The following CCDC60 variants were observed in gnomAD, a reference collection of about 807,000 sequenced individuals.
The protein encoded by CCDC60 is coiled-coil domain containing 60.
A neutral mutation model predicts 63.5 loss-of-function variants in CCDC60; 54 were observed. The ratio of observed to expected loss-of-function variants is 0.85; its 90% CI spans 0.68 to 1.07. The LOEUF is 1.07. CCDC60 is among the 50% of genes least tolerant of loss of function. The pLI is 0.00. For synonymous variants in CCDC60, 206 were observed against 238.8 expected, an observed-to-expected ratio of 0.86 and a Z score of 1.27; for missense variants, 651 against 684.3, an observed-to-expected ratio of 0.95 and a Z score of 0.54.
intron 2 of CCDC60, among the ~76,000 whole-genome samples, chr12:119,468,716 A>T (rs139116916): frequency 6.6e-6 from 1 of 152,132 alleles, no homozygotes; most frequent in African/African-American, 2.4e-5. Context: ...TAACATAACA[A>T]AATAAAAACA....
At chr12:119,514,745 C>T (rs1419164309) in intron 7 of CCDC60, among the ~76,000 whole-genome samples, 1 of 152,070 alleles carries the variant, frequency 6.6e-6, no homozygotes, top group East Asian at 1.9e-4. Flanking sequence ...CCTAAGTGTA[C>T]AGTGTTTATA....
intron 1 of CCDC60, among the ~76,000 whole-genome samples, chr12:119,374,872 C>T (rs1046333777): frequency 3.9e-5 from 6 of 152,054 alleles, no homozygotes; most frequent in South Asian, 2.1e-4. Flanking sequence ...ACTGTCCTGG[C>T]GCTGGTGGGA....
chr12:119,439,482 T>C (rs922639652), intron 2 of CCDC60, among the ~76,000 whole-genome samples: 11 of 152,180 alleles, frequency 7.2e-5, no homozygotes, highest in South Asian at 2.1e-4. Flanking sequence ...TGACAGCGAA[T>C]GGCAATTGTC....
intron 2 of CCDC60, among the ~76,000 whole-genome samples, chr12:119,465,776 A>G (rs558212045): frequency 4.5e-4 from 68 of 151,506 alleles, no homozygotes; most frequent in Non-Finnish European, 8.3e-4. Flanking sequence ...AAAAATGTAT[A>G]AAACAGAGCT....
chr12:119,540,597 C>T lies in CCDC60; in HGVS notation c.1552-17C>T. On this transcript the variant is annotated splice_polypyrimidine_tract_variant and intron_variant, in intron 13 of 13. Transcript: ENST00000327554. Reference sequence around the variant, plus strand: ...TTCAGAGCAAATTCTGAGATTGCCACTATGTCTGCCTCACAGTTTGTGCGA... The same window carrying T: ...TTCAGAGCAAATTCTGAGATTGCCATTATGTCTGCCTCACAGTTTGTGCGA... The T allele has an allele frequency of 6.3e-7, 1 of 1,588,182 alleles. No individual in the cohort carries two copies. Among genetic ancestry groups the T allele is most frequent in the Non-Finnish European group, 8.6e-7 (1 of 1,157,248 alleles).
intron 1 of CCDC60, among the ~76,000 whole-genome samples, chr12:119,406,543 C>A (rs1397966628): frequency 6.6e-6 from 1 of 152,120 alleles, no homozygotes; most frequent in Non-Finnish European, 1.5e-5. Flanking sequence ...TCATACTCCT[C>A]GCATACATTG....
intron 2 of CCDC60, among the ~76,000 whole-genome samples, chr12:119,458,186 G>T (rs1055537200): frequency 6.6e-6 from 1 of 152,332 alleles, no homozygotes; most frequent in Admixed American, 6.5e-5. Context: ...TGATTTATTT[G>T]CTATTATTTG....
intron 1 of CCDC60, among the ~76,000 whole-genome samples, chr12:119,413,988 A>T (rs183099359): frequency 2.6e-5 from 4 of 151,806 alleles, no homozygotes; most frequent in African/African-American, 9.7e-5. Flanking sequence ...CTCTTCTCCC[A>T]GGCCCCCTCC....
At chr12:119,463,043 C>T (rs1266827086) in intron 2 of CCDC60, among the ~76,000 whole-genome samples, 9 of 152,064 alleles carry the variant, frequency 5.9e-5, no homozygotes, top group South Asian at 2.1e-4. Context: ...AGGCTGGTCT[C>T]GAACTCCTGA....
intron 2 of CCDC60, among the ~76,000 whole-genome samples, chr12:119,437,170 T>C (rs1388140101): frequency 6.6e-6 from 1 of 152,208 alleles, no homozygotes. Flanking sequence ...CTTTGAGATA[T>C]GGTTTGTGTC....
intron 1 of CCDC60, among the ~76,000 whole-genome samples, chr12:119,349,030 G>A (rs958515706): frequency 6.6e-5 from 10 of 152,186 alleles, no homozygotes; most frequent in Non-Finnish European, 1.3e-4. Flanking sequence ...GTGCTAAGAG[G>A]CAGGCATTAT....
chr12:119,481,540 T>C (rs975438324), intron 4 of CCDC60, among the ~76,000 whole-genome samples: 2 of 152,156 alleles, frequency 1.3e-5, no homozygotes, highest in African/African-American at 4.8e-5. Context: ...CAATGTCAGA[T>C]GGGAAAACTA....
chr12:119,523,543 A>G, intron 10 of CCDC60, 150 bp from the exon 11 acceptor site: 1 of 925,756 alleles, frequency 1.1e-6, no homozygotes, highest in Non-Finnish European at 1.6e-6. Flanking sequence ...ATGCTTAGGG[A>G]GGCTCCAGGT....
intron 1 of CCDC60, among the ~76,000 whole-genome samples, chr12:119,379,151 G>A (rs1173971877): frequency 1.3e-5 from 2 of 152,236 alleles, no homozygotes; most frequent in African/African-American, 2.4e-5. Flanking sequence ...TTGCTAGGAA[G>A]CTAAAAATAG....
intron 7 of CCDC60, among the ~76,000 whole-genome samples, chr12:119,514,128 GT>G (rs1472330097): frequency 6.6e-6 from 1 of 151,950 alleles, no homozygotes; most frequent in African/African-American, 2.4e-5. Context: ...CTGACCCTGT[GT>G]AGGCCTAGGC....
chr12:119,338,827 G>A (rs1955501627), intron 1 of CCDC60, among the ~76,000 whole-genome samples: 2 of 152,120 alleles, frequency 1.3e-5, no homozygotes, highest in South Asian at 4.2e-4. Context: ...TGGCTGCGTG[G>A]TAATATTAAG....
rs1955610522 is a variant in CCDC60, at chr12:119,347,608, G to GTGAGGCAACACATTCC, written c.90+12344_90+12359dup. The stretch of plus-strand genomic sequence containing the variant: ...TCAGGACCAAGGGTAGCTCCACATA[G>GTGAGGCAACACATTCC]TGAGGCAACACATTCCTTAGGCAAC... On this transcript the variant is annotated intron_variant, in intron 1 of 13. Transcript: ENST00000327554. Among the ~76,000 whole-genome samples the GTGAGGCAACACATTCC allele has an allele frequency of 3.3e-5, 5 of 152,244 alleles. No individual in the cohort carries two copies. The South Asian group carries it at 1.0e-3, about 32-fold the overall frequency.
intron 7 of CCDC60, among the ~76,000 whole-genome samples, chr12:119,516,285 T>C (rs1379164672): frequency 2.0e-5 from 3 of 152,108 alleles, no homozygotes; most frequent in Non-Finnish European, 4.4e-5. Flanking sequence ...TTTGTATTTT[T>C]TGTAGAGGTA....
At position 119,477,304 on chromosome 12, in the gene CCDC60, C is replaced by T. The variant is rs1951197234; in HGVS notation, c.342-1790C>T. On this transcript the variant is annotated intron_variant, in intron 3 of 13. Coordinates refer to ENST00000327554, the MANE Select transcript of CCDC60 (RefSeq NM_178499.5). ...GAGCCAAATGAACATAGACCTACCT[C>T]TCGATTGGAGAAGTTTCAAAGAATT... 2.6e-5 allele frequency among the ~76,000 whole-genome samples: 4 copies of T among 152,364 alleles called. No individual in the cohort carries two copies. The South Asian group carries it at 6.2e-4, about 24-fold the overall frequency.
Sources: allele counts gnomAD v4.1 joint callset (sites outside exome capture counted in the v4.1 genomes callset), GRCh38; gene constraint gnomAD v4.1.1; transcripts MANE v1.5; gene names NCBI Gene and HGNC (gene_info 2026-07-23, HGNC 2026-07-21).